The following QSOX2 variants were observed in gnomAD, a reference collection of about 807,000 sequenced individuals.
QSOX2 encodes the protein quiescin sulfhydryl oxidase 2.
Under a neutral mutation model 61.7 loss-of-function variants are expected in QSOX2, and 46 were observed. The ratio of observed to expected loss-of-function variants is 0.75; its 90% confidence interval spans 0.59 to 0.95. QSOX2 has a LOEUF of 0.95. Ranked by LOEUF, QSOX2 falls within the 40% of genes least tolerant of loss-of-function variation. QSOX2 has a pLI of 0.00. For synonymous variants in QSOX2, 383 were observed against 388.4 expected (o/e 0.99, Z 0.16); for missense variants, 879 against 918.9 (o/e 0.96, Z 0.56).
Position 136,226,989 on chromosome 9 carries a change from C to A in QSOX2, c.329-115G>T, listed in dbSNP as rs143334066. ...ACCTGCGAGACCAGCCCACCTGCCCCCTCTAGGTCATCAGTTAGGCCCTCA... is the reference window on the plus strand; with the variant it reads ...ACCTGCGAGACCAGCCCACCTGCCCACTCTAGGTCATCAGTTAGGCCCTCA... On this transcript the variant is annotated intron_variant, in intron 1 of 11. Coordinates refer to ENST00000358701, the MANE Select transcript of QSOX2 (RefSeq NM_181701.4). 145 of 779,590 alleles carry A rather than the reference C, an allele frequency of 1.9e-4. 1 individual carries two copies. Among genetic ancestry groups the A allele is most frequent in the East Asian group, 1.2e-3 (48 of 39,822 alleles). 48.3% of individuals were successfully genotyped at this position (779,590 alleles called of 1,614,324 possible). A position where few individuals can be genotyped will look rare whatever the true frequency, so the allele number is the denominator to read the frequency against.
chr9:136,215,353 T>G, intron 9 of QSOX2, 49 bp from the exon 10 acceptor site: 1 of 1,427,478 alleles, frequency 7.0e-7, no homozygotes, highest in Non-Finnish European at 9.3e-7. Context: ...AGATAATTGT[T>G]GAAATTAAAA....
At position 136,211,472 on chromosome 9, in the gene QSOX2, G is replaced by A. The variant is rs1831844608; in HGVS notation, c.1361-20C>T. The A allele has an allele frequency of 6.2e-7, 1 of 1,609,530 alleles. No individual in the cohort carries two copies. On this transcript the variant is annotated intron_variant, in intron 10 of 11. Transcript: ENST00000358701. ...CAAAGCCTGCAGGGGAAGAAACACTGCTGACAACGGCAGGTGCGTGGGCAT... is the reference window on the plus strand; with the variant it reads ...CAAAGCCTGCAGGGGAAGAAACACTACTGACAACGGCAGGTGCGTGGGCAT...
chr9:136,210,271 A>C (rs1035977528), intron 11 of QSOX2: 13 of 985,362 alleles, frequency 1.3e-5, no homozygotes, highest in Non-Finnish European at 1.6e-5. Flanking sequence ...CTTGGGTCTC[A>C]ATGCACAGGC....
In QSOX2 at chr9:136,228,381, A is replaced by G. The variant is rs150168207; in HGVS notation, c.329-1507T>C. Among the ~76,000 whole-genome samples the G allele has an allele frequency of 5.3e-4, 80 of 152,352 alleles. 1 individual carries two copies. In the East Asian group the frequency reaches 0.013, roughly 24 times the overall value. On this transcript the variant is annotated intron_variant, in intron 1 of 11. Transcript: ENST00000358701. ...GTGCCTGGCTCGTGCTTCAGTCACC[A>G]GTATCAAAGTCATGGTTTCCGAAGC...
intron 2 of QSOX2, among the ~76,000 whole-genome samples, chr9:136,226,284 C>T (rs1337279396): frequency 1.3e-5 from 2 of 152,196 alleles, no homozygotes; most frequent in African/African-American, 2.4e-5. Flanking sequence ...CAGGTACCTC[C>T]GCCCCCTAGT....
intron 1 of QSOX2, among the ~76,000 whole-genome samples, chr9:136,239,852 G>A (rs892268526): frequency 1.3e-5 from 2 of 152,284 alleles, no homozygotes; most frequent in African/African-American, 4.8e-5. Context: ...ACAGGCGCCA[G>A]GAGTACCGGC....
chr9:136,230,762 G>A (rs907874812), intron 1 of QSOX2, among the ~76,000 whole-genome samples: 6 of 152,272 alleles, frequency 3.9e-5, no homozygotes, highest in Middle Eastern at 3.4e-3. Context: ...GCTGGAAGGC[G>A]CCTGGGAGAG....
chr9:136,210,100 C>G (rs1255471374), intron 11 of QSOX2: 1 of 985,366 alleles, frequency 1.0e-6, no homozygotes, highest in Non-Finnish European at 1.2e-6. Context: ...CGTGCTTATC[C>G]GGCCAACCGG....
intron 1 of QSOX2, among the ~76,000 whole-genome samples, chr9:136,229,469 G>A (rs1349827246): frequency 1.3e-5 from 2 of 152,138 alleles, no homozygotes; most frequent in Non-Finnish European, 2.9e-5. Flanking sequence ...GTTTCATTCT[G>A]TTTATTGGGA....
intron 9 of QSOX2, 60 bp from the exon 10 acceptor site, chr9:136,215,364 A>T: frequency 1.7e-6 from 2 of 1,184,678 alleles, no homozygotes; most frequent in Non-Finnish European, 2.3e-6. Context: ...GAAATTAAAA[A>T]CAGTCGACAG....
Position 136,209,750 on chromosome 9 carries a change from G to A in QSOX2, c.1550-475C>T. ...GGCCACCTGGGTGCTATGGACAGTG[G>A]GCCTTAGGTGCACCTTCAGGAAAGG... On this transcript the variant is annotated intron_variant, in intron 11 of 11. Transcript: ENST00000358701. The surrounding 1 kb of genome is among the most constrained non-coding windows in gnomAD (Gnocchi z 5.6). The A allele has an allele frequency of 2.0e-6, 2 of 984,966 alleles. No homozygotes were observed. The highest frequency in any genetic ancestry group is 1.2e-4 in the East Asian group (1 of 8,692). The allele number at this position is 984,966 out of a possible 1,614,324, so 61.0% of individuals were successfully genotyped here. A position where few individuals can be genotyped will look rare whatever the true frequency, so the allele number is the denominator to read the frequency against.
At position 136,207,235 on chromosome 9, in the gene QSOX2, C is replaced by T. The variant is rs1160792952; in HGVS notation, c.*1493G>A. 6.6e-6 allele frequency: 1 copy of T among 152,292 alleles called. No homozygotes were observed. The highest frequency in any genetic ancestry group is 1.9e-4 in the East Asian group (1 of 5,332). The allele number at this position is 152,292 out of a possible 1,614,324, so 9.4% of individuals were successfully genotyped here. A position where few individuals can be genotyped will look rare whatever the true frequency, so the allele number is the denominator to read the frequency against. On this transcript the variant is annotated 3_prime_UTR_variant, in exon 12 of 12. Coordinates refer to ENST00000358701, the MANE Select transcript of QSOX2 (RefSeq NM_181701.4). The stretch of plus-strand genomic sequence containing the variant: ...CCTTTTTTTCTCAAGCGACAACAAT[C>T]ACATCAATATTACATGGTCTTATGA...
intron 1 of QSOX2, among the ~76,000 whole-genome samples, chr9:136,243,100 G>A (rs985320451): frequency 2.6e-5 from 4 of 152,172 alleles, no homozygotes; most frequent in Admixed American, 6.5e-5. Context: ...CAGCAGCAAC[G>A]ACACCAAACT....
At chr9:136,213,596 C>G (rs1185474217) in intron 10 of QSOX2, among the ~76,000 whole-genome samples, 1 of 151,690 alleles carries the variant, frequency 6.6e-6, no homozygotes, top group Non-Finnish European at 1.5e-5. Context: ...AAGCAGTAAT[C>G]CAATATCACC....
intron 1 of QSOX2, among the ~76,000 whole-genome samples, chr9:136,227,783 T>C (rs765035559): frequency 1.4e-4 from 22 of 152,084 alleles, no homozygotes; most frequent in Non-Finnish European, 8.8e-5. Flanking sequence ...GAGACCAGCC[T>C]GGGCAACATG....
At chr9:136,226,324 G>A (rs1025392166) in intron 2 of QSOX2, among the ~76,000 whole-genome samples, 1 of 152,212 alleles carries the variant, frequency 6.6e-6, no homozygotes, top group Non-Finnish European at 1.5e-5. Context: ...TTGTCTGCAG[G>A]GCTGACTTTG....
At chr9:136,217,848 G>C (rs1314091917) in intron 8 of QSOX2, among the ~76,000 whole-genome samples, 1 of 152,252 alleles carries the variant, frequency 6.6e-6, no homozygotes, top group Non-Finnish European at 1.5e-5. Flanking sequence ...CTGAACTCTG[G>C]ATGGCACCGT....
At chr9:136,211,474 T>G (rs762242025) in intron 10 of QSOX2, 22 bp from the exon 11 acceptor site, 2 of 1,609,424 alleles carry the variant, frequency 1.2e-6, no homozygotes, top group South Asian at 1.1e-5. Flanking sequence ...GAAACACTGC[T>G]GACAACGGCA....
At chr9:136,227,214 G>A (rs991680970) in intron 1 of QSOX2, among the ~76,000 whole-genome samples, 1 of 152,210 alleles carries the variant, frequency 6.6e-6, no homozygotes, top group Admixed American at 6.5e-5. Flanking sequence ...TCAGCGGCCG[G>A]CACTTAAGTC....
Sources: gnomAD v4.1 joint callset for allele counts (sites outside exome capture counted in the v4.1 genomes callset) on GRCh38, gnomAD v4.1.1 for gene constraint, Gnocchi (gnomAD v3.1) non-coding constraint, MANE v1.5 for transcripts, NCBI Gene and HGNC (gene_info 2026-07-23, HGNC 2026-07-21) for gene names.